Variants in CDH17 observed in about 807,000 individuals in gnomAD.
CDH17 encodes cadherin-17.
CDH17 carries 67 observed loss-of-function variants against 86.3 expected under a neutral mutation model. The ratio of observed to expected loss-of-function variants is 0.78; its 90% CI spans 0.64 to 0.95. The LOEUF (loss-of-function observed/expected upper bound fraction) is 0.95. CDH17 is among the 40% of genes least tolerant of loss of function. The pLI is 0.00. For missense variants in CDH17, 993 were observed against 1,017.6 expected (o/e 0.98, Z 0.33); for synonymous variants, 367 against 366.4 (o/e 1.00, Z -0.02).
chr8:94,149,034 A>G (rs1268410422), intron 13 of CDH17, among the ~76,000 whole-genome samples, 160 bp from the exon 14 acceptor site: 1 of 151,838 alleles, frequency 6.6e-6, no homozygotes, highest in Non-Finnish European at 1.5e-5. Context: ...CATTACTTGT[A>G]TATTATTTAA....
chr8:94,140,556 A>C (rs1233117263), intron 15 of CDH17, among the ~76,000 whole-genome samples: 2 of 152,184 alleles, frequency 1.3e-5, no homozygotes, highest in Non-Finnish European at 2.9e-5. Flanking sequence ...ACAAAAACAC[A>C]GTGTAGGAAG....
In CDH17 at chr8:94,178,861, T is replaced by A. The variant is rs190526328; in HGVS notation, c.151-1140A>T. On this transcript the variant is annotated intron_variant, in intron 3 of 17. Coordinates refer to ENST00000027335, the MANE Select transcript of CDH17 (RefSeq NM_004063.4). ...GATATTATATTGTTTATATAATAAA[T>A]GAACATGTTGCTATTTTGTGTTTTC... is the stretch of plus-strand genomic sequence containing the variant. 1.5e-3 allele frequency among the ~76,000 whole-genome samples: 233 copies of A among 152,204 alleles called. 4 individuals carry two copies. Among genetic ancestry groups the A allele is most frequent in the Non-Finnish European group, 6.9e-4 (47 of 67,990 alleles).
rs562446436 is a variant in CDH17 at position 94,128,160 on chromosome 8, G to A, written c.*80C>T. ...ATCTGTTTAAAAAATTATAATGCAC[G>A]TTAGATGAAAAGTAATAGGATGAGA... On this transcript the variant is annotated 3_prime_UTR_variant, in exon 18 of 18. Transcript: ENST00000027335. 29 of 862,922 alleles carry A rather than the reference G, an allele frequency of 3.4e-5. No homozygotes were observed. The highest frequency in any genetic ancestry group is 2.3e-4 in the Middle Eastern group (1 of 4,342). The allele number at this position is 862,922 out of a possible 1,614,324, so 53.5% of individuals were successfully genotyped here. A position where few individuals can be genotyped will look rare whatever the true frequency, so the allele number is the denominator to read the frequency against.
intron 2 of CDH17, among the ~76,000 whole-genome samples, chr8:94,190,963 G>T (rs1416679827): frequency 6.6e-6 from 1 of 152,164 alleles, no homozygotes; most frequent in East Asian, 1.9e-4. Context: ...ATTTGTGGTA[G>T]GGCCTTAGAT....
intron 15 of CDH17, among the ~76,000 whole-genome samples, chr8:94,134,393 T>A (rs972810650): frequency 6.6e-6 from 1 of 152,196 alleles, no homozygotes; most frequent in Non-Finnish European, 1.5e-5. Context: ...GAAGGGTGTA[T>A]GTGTCCAGGA....
chr8:94,170,756 G>GTTT, intron 8 of CDH17, 98 bp downstream of exon 8: 1 of 1,276,742 alleles, frequency 7.8e-7, no homozygotes, highest in Non-Finnish European at 1.1e-6. Context: ...TGAAATGTGT[G>GTTT]TTTTTTTTTT....
At chr8:94,157,519 T>C (rs936342831) in intron 12 of CDH17, among the ~76,000 whole-genome samples, 2 of 152,204 alleles carry the variant, frequency 1.3e-5, no homozygotes, top group Non-Finnish European at 2.9e-5. Context: ...GTAGCTATGA[T>C]AGTCCTTCAG....
At chr8:94,192,889 G>T (rs10956904) in intron 2 of CDH17, among the ~76,000 whole-genome samples, 55,726 of 152,154 alleles carry the variant, frequency 0.37, 11,323 homozygotes, top group Non-Finnish European at 0.48. Context: ...AAGAACAGAA[G>T]ATCTACTCGC....
At chr8:94,189,018 T>C (rs1044808941) in intron 3 of CDH17, among the ~76,000 whole-genome samples, 169 bp downstream of exon 3, 1 of 152,226 alleles carries the variant, frequency 6.6e-6, no homozygotes, top group Admixed American at 6.5e-5. Context: ...ACAATTCTTA[T>C]GATACTGAGG....
intron 2 of CDH17, among the ~76,000 whole-genome samples, chr8:94,193,594 T>G (rs1404943794): frequency 6.6e-6 from 1 of 152,194 alleles, no homozygotes; most frequent in Non-Finnish European, 1.5e-5. Flanking sequence ...TTTGAATCCA[T>G]GTCTGAATTT....
intron 15 of CDH17, among the ~76,000 whole-genome samples, chr8:94,136,038 G>T (rs1019953449): frequency 6.6e-6 from 1 of 152,118 alleles, no homozygotes; most frequent in African/African-American, 2.4e-5. Flanking sequence ...TAGTCTGATG[G>T]GCTTCCCTTT....
chr8:94,211,800 T>C (rs1317137914), upstream of CDH17, among the ~76,000 whole-genome samples: 2 of 152,220 alleles, frequency 1.3e-5, no homozygotes, highest in Non-Finnish European at 2.9e-5. Flanking sequence ...TTAATATCTG[T>C]CTTGCTCTGT....
intron 15 of CDH17, among the ~76,000 whole-genome samples, chr8:94,132,791 T>C (rs1024277350): frequency 1.3e-5 from 2 of 152,222 alleles, no homozygotes; most frequent in African/African-American, 2.4e-5. Flanking sequence ...AGGGATTTTA[T>C]GGTTTTAGGT....
At chr8:94,174,910 A>C (rs1274992803) in intron 5 of CDH17, among the ~76,000 whole-genome samples, 1 of 152,148 alleles carries the variant, frequency 6.6e-6, no homozygotes, top group Non-Finnish European at 1.5e-5. Context: ...CATGTTGATT[A>C]GTGTTATTTT....
Position 94,151,990 on chromosome 8 carries a change from T to C in CDH17, c.1674A>G (p.Thr558=), listed in dbSNP as rs1812864903. 6.2e-7 allele frequency: 1 copy of C among 1,614,230 alleles called. No homozygotes were observed. Among genetic ancestry groups the C allele is most frequent in the Admixed American group, 1.7e-5 (1 of 60,036 alleles). Residue 558 remains threonine (T), a synonymous_variant, in exon 13 of 18, where the codon ACA becomes ACG. Coordinates refer to ENST00000027335, the MANE Select transcript of CDH17 (RefSeq NM_004063.4). ...AAAATTGAGGTGCTTCATTCACATC[T>C]GTCACAATAAGCGTGAACTTGGCAA... The part of the protein sequence containing the change: ...SSFAKFTLIV[T]DVNEAPQFSQ...
chr8:94,199,336 G>T (rs966184537), intron 1 of CDH17, among the ~76,000 whole-genome samples: 1 of 151,738 alleles, frequency 6.6e-6, no homozygotes, highest in Non-Finnish European at 1.5e-5. Context: ...AACATTCAAA[G>T]CTTTATTGTG....
intron 1 of CDH17, chr8:94,202,941 C>G (rs1482082845): frequency 3.0e-6 from 1 of 327,892 alleles, no homozygotes; most frequent in Non-Finnish European, 5.9e-6. Flanking sequence ...GCTTCCCCTT[C>G]TTGGGCTTTT....
intron 3 of CDH17, among the ~76,000 whole-genome samples, chr8:94,182,538 C>T (rs1813503193): frequency 1.3e-5 from 2 of 152,052 alleles, no homozygotes; most frequent in Admixed American, 1.3e-4. Flanking sequence ...TCAATAGAGG[C>T]AGCAAATCAT....
chr8:94,185,140 C>T (rs1029946086), intron 3 of CDH17, among the ~76,000 whole-genome samples: 1 of 152,074 alleles, frequency 6.6e-6, no homozygotes, highest in African/African-American at 2.4e-5. Flanking sequence ...CCTCAGTTTC[C>T]CCATTTTTAA....
Sources: gnomAD v4.1 joint callset for allele counts (sites outside exome capture counted in the v4.1 genomes callset) on GRCh38, gnomAD v4.1.1 for gene constraint, MANE v1.5 for transcripts, NCBI Gene and HGNC (gene_info 2026-07-23, HGNC 2026-07-21) for gene names.